The following DDX50 variants were observed in gnomAD, a reference collection of about 807,000 sequenced individuals.
The protein encoded by DDX50 is DExD-box helicase 50, also known as ATP-dependent RNA helicase DDX50.
DDX50 carries 56 observed loss-of-function variants against 94.8 expected under a neutral mutation model. The ratio of observed to expected loss-of-function variants is 0.59; its 90% CI spans 0.48 to 0.74. DDX50 has a LOEUF of 0.74. DDX50 is among the 30% of genes least tolerant of loss of function. The pLI, the probability that DDX50 is intolerant of heterozygous loss-of-function variation, is 0.00. For missense variants in DDX50, 713 were observed against 881.2 expected (o/e 0.81, Z 2.42); for synonymous variants, 264 against 295.4 (o/e 0.89, Z 1.09).
At chr10:68,910,680 C>T (rs888865527) in intron 3 of DDX50, among the ~76,000 whole-genome samples, 3 of 152,176 alleles carry the variant, frequency 2.0e-5, no homozygotes, top group East Asian at 1.9e-4. Context: ...GGATTACAGG[C>T]GTGAGCCACC....
At chr10:68,916,758 G>A (rs1414300460) in intron 7 of DDX50, among the ~76,000 whole-genome samples, 1 of 152,076 alleles carries the variant, frequency 6.6e-6, no homozygotes, top group Non-Finnish European at 1.5e-5. Context: ...ATCTCAGCAC[G>A]CTGCAACCTC....
chr10:68,902,822 C>G (rs1354560300), intron 1 of DDX50, among the ~76,000 whole-genome samples: 11 of 152,184 alleles, frequency 7.2e-5, no homozygotes, highest in African/African-American at 2.7e-4. Context: ...CCGAATGTAC[C>G]GTTATCTAGT....
intron 8 of DDX50, among the ~76,000 whole-genome samples, chr10:68,923,428 A>AG (rs1366883716): frequency 1.3e-5 from 2 of 151,524 alleles, no homozygotes; most frequent in African/African-American, 4.8e-5. Context: ...GGCTGCTCTC[A>AG]GTCCTGAGCT....
chr10:68,937,196 T>G, intron 12 of DDX50, 101 bp downstream of exon 12: 1 of 1,283,096 alleles, frequency 7.8e-7, no homozygotes, highest in African/African-American at 1.5e-5. Flanking sequence ...AGAAAAAAAC[T>G]GTTTTGCTCT....
chr10:68,906,638 A>C lies in DDX50; in HGVS notation c.88-73A>C, dbSNP rs536473931. 7 of 1,526,978 alleles carry C rather than the reference A, an allele frequency of 4.6e-6. No individual in the cohort carries two copies. The African/African-American group carries it at 7.0e-5, about 15-fold the overall frequency. 94.6% of individuals were successfully genotyped at this position (1,526,978 alleles called of 1,614,324 possible). ...ATTGAGCTGAACTGGTGGGGGAGTC[A>C]TGCTCTAACTTCTCTAGAGTCTTAA... On this transcript the variant is annotated intron_variant, in intron 1 of 14. Coordinates refer to ENST00000373585, the MANE Select transcript of DDX50 (RefSeq NM_024045.2).
intron 8 of DDX50, among the ~76,000 whole-genome samples, chr10:68,920,888 C>T (rs906609908): frequency 1.5e-5 from 2 of 136,806 alleles, no homozygotes; most frequent in South Asian, 2.3e-4. Flanking sequence ...AGTGATGTAG[C>T]GGGGAGCTGA....
At chr10:68,926,407 T>C (rs558190345) in intron 8 of DDX50, among the ~76,000 whole-genome samples, 79 of 151,852 alleles carry the variant, frequency 5.2e-4, no homozygotes, top group African/African-American at 1.9e-3. Context: ...GTTTCTGTGA[T>C]TTGGAGAATG....
chr10:68,904,060 C>G (rs1220446879), intron 1 of DDX50, among the ~76,000 whole-genome samples: 1 of 150,938 alleles, frequency 6.6e-6, no homozygotes, highest in Non-Finnish European at 1.5e-5. Flanking sequence ...AGGAGAATTG[C>G]TTGAACCCAG....
intron 10 of DDX50, among the ~76,000 whole-genome samples, chr10:68,935,661 C>G (rs1196972239): frequency 6.6e-6 from 1 of 151,954 alleles, no homozygotes; most frequent in Non-Finnish European, 1.5e-5. Flanking sequence ...ATGGTGAAAC[C>G]CCATCTCTAC....
chr10:68,928,529 T>C (rs1411679110), intron 8 of DDX50, among the ~76,000 whole-genome samples: 1 of 151,966 alleles, frequency 6.6e-6, no homozygotes, highest in East Asian at 1.9e-4. Context: ...AAAAATTGTT[T>C]ATTTAAAGCA....
At chr10:68,914,012 A>G (rs759676648) in intron 6 of DDX50, 47 bp from the exon 7 acceptor site, 7 of 1,514,068 alleles carry the variant, frequency 4.6e-6, no homozygotes, top group African/African-American at 4.3e-5. Flanking sequence ...AGCGGGCTAC[A>G]TCGTGGGAAA....
At chr10:68,922,777 A>G (rs570129302) in intron 8 of DDX50, among the ~76,000 whole-genome samples, 1 of 149,038 alleles carries the variant, frequency 6.7e-6, no homozygotes, top group South Asian at 2.1e-4. Context: ...TGGGTGACAG[A>G]GTATGACCCT....
intron 8 of DDX50, among the ~76,000 whole-genome samples, chr10:68,930,169 G>A (rs1171070847): frequency 7.7e-6 from 1 of 129,630 alleles, no homozygotes; most frequent in East Asian, 2.5e-4. Context: ...CCAAGCTGGA[G>A]TACGATGATG....
chr10:68,946,284 TG>T, intron 14 of DDX50, 67 bp from the exon 15 acceptor site: 1 of 1,514,350 alleles, frequency 6.6e-7, no homozygotes, highest in South Asian at 1.3e-5. Flanking sequence ...GGTGTCTTCT[TG>T]TACTTAACAT....
rs16925939 is a variant in DDX50 at position 68,944,439 on chromosome 10, A to G, written c.1935+1182A>G. The stretch of plus-strand genomic sequence containing the variant: ...ATACTTATATACCTACTTTGAAACA[A>G]AAATGAGTATTTTGCTTTCGAAGTC... On this transcript the variant is annotated intron_variant, in intron 14 of 14. Coordinates refer to ENST00000373585, the MANE Select transcript of DDX50 (RefSeq NM_024045.2). 7.5e-3 allele frequency among the ~76,000 whole-genome samples: 1,148 copies of G among 152,342 alleles called. 20 individuals carry two copies. Among genetic ancestry groups the G allele is most frequent in the East Asian group, 0.075 (390 of 5,188 alleles).
Position 68,906,816 on chromosome 10 carries a change from A to G in DDX50, c.193A>G (p.Lys65Glu), listed in dbSNP as rs1209009914. 6.2e-7 allele frequency: 1 copy of G among 1,613,792 alleles called. No individual in the cohort carries two copies. Among genetic ancestry groups the G allele is most frequent in the Non-Finnish European group, 8.5e-7 (1 of 1,179,958 alleles). The change falls in exon 2 of 15, where the codon AAA (lysine) becomes GAA (glutamate). Residue 65 changes from lysine to glutamate, a missense_variant. Coordinates refer to ENST00000373585, the MANE Select transcript of DDX50 (RefSeq NM_024045.2). Reference protein sequence around the residue: ...DLDAPKAKKSKMKEKLNGDTE... With the variant: ...DLDAPKAKKSEMKEKLNGDTE... The stretch of plus-strand genomic sequence containing the variant: ...GGATGCTCCCAAGGCCAAAAAATCT[A>G]AAATGAAAGAGAAGCTAAATGGAGA...
chr10:68,916,738 C>A (rs1028197857), intron 7 of DDX50, among the ~76,000 whole-genome samples: 2 of 152,180 alleles, frequency 1.3e-5, no homozygotes, highest in Admixed American at 1.3e-4. Context: ...GTCTGCAGTG[C>A]AATGGTGTGA....
chr10:68,904,877 G>A (rs1290703030), intron 1 of DDX50, among the ~76,000 whole-genome samples: 1 of 152,204 alleles, frequency 6.6e-6, no homozygotes, highest in African/African-American at 2.4e-5. Flanking sequence ...CACACATATT[G>A]TTCAATTCTC....
intron 7 of DDX50, among the ~76,000 whole-genome samples, chr10:68,915,034 A>C (rs1328922342): frequency 6.6e-6 from 1 of 151,588 alleles, no homozygotes; most frequent in Non-Finnish European, 1.5e-5. Flanking sequence ...AAAAAAAAAA[A>C]AAACCACAGA....
Sources: allele counts gnomAD v4.1 joint callset (sites outside exome capture counted in the v4.1 genomes callset), GRCh38; gene constraint gnomAD v4.1.1; transcripts MANE v1.5; gene names NCBI Gene and HGNC (gene_info 2026-07-23, HGNC 2026-07-21).